Variants in ZC3H6 observed in about 807,000 individuals in gnomAD.
The protein encoded by ZC3H6 is zinc finger CCCH domain-containing protein 6.
A neutral mutation model predicts 107.7 loss-of-function variants in ZC3H6; 40 were observed. The ratio of observed to expected loss-of-function variants is 0.37; its 90% CI spans 0.29 to 0.48. The LOEUF is 0.48. Ranked by LOEUF, ZC3H6 falls within the 20% of genes least tolerant of loss-of-function variation. ZC3H6 has a pLI of 0.98. For missense variants in ZC3H6, 1,267 were observed against 1,410.4 expected, an observed-to-expected ratio of 0.90 and a Z score of 1.63; for synonymous variants, 493 against 487.9, an observed-to-expected ratio of 1.01 and a Z score of -0.14.
intron 1 of ZC3H6, among the ~76,000 whole-genome samples, chr2:112,287,785 G>A (rs1199959524): frequency 6.6e-6 from 1 of 152,178 alleles, no homozygotes; most frequent in Non-Finnish European, 1.5e-5. Flanking sequence ...TGTATTTTTA[G>A]TAGAGACAGG....
Position 112,310,114 on chromosome 2 carries a change from T to A in ZC3H6, c.566T>A (p.Phe189Tyr). The change falls in exon 4 of 12, where the codon TTT becomes TAT. Residue 189 changes from phenylalanine to tyrosine, a missense_variant. Coordinates refer to ENST00000409871, the MANE Select transcript of ZC3H6 (RefSeq NM_198581.3). ...TCAAATATTGCTTTAGGGTCATCATTTTCTAAAGAATCAGGAAAAAAACAG... is the reference window on the plus strand; with the variant it reads ...TCAAATATTGCTTTAGGGTCATCATATTCTAAAGAATCAGGAAAAAAACAG... ...ETSNIALGSS[F>Y]SKESGKKQRM... The A allele has an allele frequency of 6.2e-7, 1 of 1,613,332 alleles. No homozygotes were observed. The highest frequency in any genetic ancestry group is 2.2e-5 in the East Asian group (1 of 44,840).
In ZC3H6 at chr2:112,333,504, G is replaced by C. The variant is rs1373674007; in HGVS notation, c.*1016G>C. ...AAGAATCTCTTTAAGATCTCACCCG[G>C]CTGGCATTCTGTAACAGAGGGGATT... On this transcript the variant is annotated 3_prime_UTR_variant, in exon 12 of 12. Coordinates refer to ENST00000409871, the MANE Select transcript of ZC3H6 (RefSeq NM_198581.3). The C allele has an allele frequency of 6.6e-6, 1 of 152,194 alleles. No individual in the cohort carries two copies. Among genetic ancestry groups the C allele is most frequent in the East Asian group, 1.9e-4 (1 of 5,200 alleles). The allele number at this position is 152,194 out of a possible 1,614,324, so 9.4% of individuals were successfully genotyped here.
intron 1 of ZC3H6, among the ~76,000 whole-genome samples, chr2:112,276,330 C>G (rs1686422297): frequency 6.6e-6 from 1 of 151,094 alleles, no homozygotes; most frequent in South Asian, 2.1e-4. Context: ...CTCAGCGTCC[C>G]GGCTCGGTGC....
intron 1 of ZC3H6, among the ~76,000 whole-genome samples, chr2:112,293,578 A>T (rs1460141200): frequency 1.3e-5 from 2 of 152,242 alleles, no homozygotes; most frequent in African/African-American, 4.8e-5. Flanking sequence ...ATAAACAGAA[A>T]ATCACGAAAA....
intron 1 of ZC3H6, among the ~76,000 whole-genome samples, chr2:112,280,712 T>C (rs932113337): frequency 7.9e-5 from 12 of 152,110 alleles, no homozygotes; most frequent in Admixed American, 3.3e-4. Flanking sequence ...AATAAAACTT[T>C]GGCCAAGTAA....
At chr2:112,292,204 G>A (rs2104700560) in intron 1 of ZC3H6, among the ~76,000 whole-genome samples, 1 of 152,266 alleles carries the variant, frequency 6.6e-6, no homozygotes, top group South Asian at 2.1e-4. Flanking sequence ...CTGGGAACCT[G>A]GCACAGTTTT....
At chr2:112,286,763 G>A (rs1387390175) in intron 1 of ZC3H6, among the ~76,000 whole-genome samples, 3 of 152,174 alleles carry the variant, frequency 2.0e-5, no homozygotes, top group Non-Finnish European at 4.4e-5. Flanking sequence ...GTTTAGATAT[G>A]ATGGTAACTG....
chr2:112,302,233 T>A (rs556345587), intron 2 of ZC3H6, among the ~76,000 whole-genome samples: 61 of 152,248 alleles, frequency 4.0e-4, no homozygotes, highest in African/African-American at 6.0e-4. Flanking sequence ...CCAAGAATGA[T>A]TAGATACTTA....
chr2:112,308,323 T>A (rs948511125), intron 3 of ZC3H6, among the ~76,000 whole-genome samples: 3 of 152,016 alleles, frequency 2.0e-5, no homozygotes, highest in Non-Finnish European at 2.9e-5. Flanking sequence ...ATTTTATAAT[T>A]AGAAAGATCT....
intron 1 of ZC3H6, among the ~76,000 whole-genome samples, chr2:112,283,640 A>G (rs1450109727): frequency 6.6e-6 from 1 of 152,212 alleles, no homozygotes; most frequent in Non-Finnish European, 1.5e-5. Context: ...AGATATTAAT[A>G]TATTCATTTT....
At position 112,316,455 on chromosome 2, in the gene ZC3H6, AT is replaced by A. The variant is rs1212450953; in HGVS notation, c.748-8del. On this transcript the variant is annotated splice_polypyrimidine_tract_variant and intron_variant, in intron 5 of 11. Coordinates refer to ENST00000409871, the MANE Select transcript of ZC3H6 (RefSeq NM_198581.3). ...ATTTCATATGCTGCATTCAAATGGA[AT>A]TTTTTTCTTGCAGTATAATAAACCA... The A allele has an allele frequency of 6.6e-6, 10 of 1,513,502 alleles. No homozygotes were observed. The highest frequency in any genetic ancestry group is 1.7e-4 in the Middle Eastern group (1 of 5,872). The allele number at this position is 1,513,502 out of a possible 1,614,324, so 93.8% of individuals were successfully genotyped here.
At position 112,332,204 on chromosome 2, in the gene ZC3H6, C is replaced by T. The variant is rs752611680; in HGVS notation, c.3286C>T (p.Pro1096Ser). The change falls in exon 12 of 12, where the codon CCA becomes TCA. Residue 1096 changes from proline to serine, a missense_variant. Pro to Ser is a moderately conservative substitution (Grantham distance 74, BLOSUM62 -1). Coordinates refer to ENST00000409871, the MANE Select transcript of ZC3H6 (RefSeq NM_198581.3). Reference sequence around the variant, plus strand: ...ACCTTCTCCTGGAGAAGCCATCCTTCCACAAAAACCCAGTCCAAACGTGGG... The same window carrying T: ...ACCTTCTCCTGGAGAAGCCATCCTTTCACAAAAACCCAGTCCAAACGTGGG... ...TEPSPGEAIL[P>S]QKPSPNVGVT... The T allele has an allele frequency of 3.1e-6, 5 of 1,614,016 alleles. No individual in the cohort carries two copies. The highest frequency in any genetic ancestry group is 4.2e-6 in the Non-Finnish European group (5 of 1,179,890).
chr2:112,316,661 GTTAA>G, intron 6 of ZC3H6, 75 bp downstream of exon 6: 1 of 958,898 alleles, frequency 1.0e-6, no homozygotes, highest in East Asian at 2.8e-5. Flanking sequence ...TTGGGGGATG[GTTAA>G]TTTTTTTCTC....
Position 112,338,889 on chromosome 2 carries a change from AT to A in ZC3H6, c.*6402del, listed in dbSNP as rs1191485221. On this transcript the variant is annotated 3_prime_UTR_variant, in exon 12 of 12. Coordinates refer to ENST00000409871, the MANE Select transcript of ZC3H6 (RefSeq NM_198581.3). ...TATATATATATATATATATATATAT[AT>A]ATATATATATATATATATATATAAT... The A allele has an allele frequency of 9.9e-5, 2 of 20,124 alleles. No individual in the cohort carries two copies. Among genetic ancestry groups the A allele is most frequent in the African/African-American group, 6.6e-4 (1 of 1,504 alleles). 1.2% of individuals were successfully genotyped at this position (20,124 alleles called of 1,614,324 possible).
intron 11 of ZC3H6, among the ~76,000 whole-genome samples, chr2:112,326,264 T>C (rs1676905135): frequency 6.6e-6 from 1 of 152,158 alleles, no homozygotes; most frequent in South Asian, 2.1e-4. Context: ...TAAATTATTA[T>C]TGACTATAGT....
chr2:112,287,530 C>T (rs566965460), intron 1 of ZC3H6, among the ~76,000 whole-genome samples: 1 of 152,126 alleles, frequency 6.6e-6, no homozygotes, highest in East Asian at 1.9e-4. Flanking sequence ...GCACTACTTC[C>T]ATCTTGCATT....
intron 3 of ZC3H6, among the ~76,000 whole-genome samples, chr2:112,307,824 T>C (rs1676506133): frequency 6.6e-6 from 1 of 152,206 alleles, no homozygotes; most frequent in South Asian, 2.1e-4. Context: ...AATTTAGGGA[T>C]AATTCTACTT....
At chr2:112,291,137 A>G (rs1573949162) in intron 1 of ZC3H6, among the ~76,000 whole-genome samples, 1 of 152,218 alleles carries the variant, frequency 6.6e-6, no homozygotes, top group Non-Finnish European at 1.5e-5. Flanking sequence ...TTTCTGGCAT[A>G]CCCTGTGTAA....
intron 1 of ZC3H6, among the ~76,000 whole-genome samples, chr2:112,277,000 C>T (rs1310704043): frequency 4.4e-5 from 6 of 136,424 alleles, no homozygotes; most frequent in Middle Eastern, 3.5e-3. Flanking sequence ...ATATACATTG[C>T]TGAAGTTTTA....
Sources: gnomAD v4.1 joint callset for allele counts (sites outside exome capture counted in the v4.1 genomes callset) on GRCh38, gnomAD v4.1.1 for gene constraint, MANE v1.5 for transcripts, NCBI Gene and HGNC (gene_info 2026-07-23, HGNC 2026-07-21) for gene names.